Variants in SCLT1 observed in about 807,000 individuals in gnomAD.
SCLT1 encodes sodium channel and clathrin linker 1, also known as sodium channel-associated protein 1.
Under a neutral mutation model 112.8 loss-of-function variants are expected in SCLT1, and 78 were observed. That is an observed-to-expected ratio of 0.69 (90% CI 0.58 to 0.83). The LOEUF (loss-of-function observed/expected upper bound fraction) is 0.83. Among genes scored for constraint, SCLT1 ranks in the 40% least tolerant of loss-of-function variants. SCLT1 has a pLI of 0.00. For synonymous variants in SCLT1, 257 were observed against 254.7 expected (o/e 1.01, Z -0.09); for missense variants, 747 against 770.4 (o/e 0.97, Z 0.36).
chr4:128,967,384 G>C (rs1045777010), intron 10 of SCLT1, among the ~76,000 whole-genome samples: 6 of 152,228 alleles, frequency 3.9e-5, no homozygotes, highest in Admixed American at 3.3e-4. Context: ...TAATGGGATT[G>C]CTCAGTTGAA....
chr4:129,056,048 G>A (rs1040852410), intron 2 of SCLT1, among the ~76,000 whole-genome samples: 11 of 152,170 alleles, frequency 7.2e-5, no homozygotes, highest in African/African-American at 2.2e-4. Flanking sequence ...GGGAGACCCC[G>A]GCTGCTTGCA....
At chr4:129,019,747 A>C (rs553121415) in intron 5 of SCLT1, among the ~76,000 whole-genome samples, 1 of 152,166 alleles carries the variant, frequency 6.6e-6, no homozygotes, top group Non-Finnish European at 1.5e-5. Flanking sequence ...CACTAATCCA[A>C]GCCTCCTTGG....
At chr4:128,950,709 C>A (rs1351961621) in intron 14 of SCLT1, among the ~76,000 whole-genome samples, 22 of 151,952 alleles carry the variant, frequency 1.4e-4, no homozygotes, top group Non-Finnish European at 5.9e-5. Flanking sequence ...CAGTGTAAAT[C>A]CTCATGTATT....
intron 2 of SCLT1, among the ~76,000 whole-genome samples, chr4:129,052,060 C>T (rs1748851517): frequency 6.6e-6 from 1 of 152,200 alleles, no homozygotes; most frequent in South Asian, 2.1e-4. Flanking sequence ...ACCCGCCTTG[C>T]ATCCAAGGGA....
chr4:129,032,696 AAAG>A (rs1214488572), intron 5 of SCLT1, among the ~76,000 whole-genome samples: 1 of 152,164 alleles, frequency 6.6e-6, no homozygotes, highest in Non-Finnish European at 1.5e-5. Context: ...ACACTTCTCA[AAAG>A]AAGATATTTA....
chr4:128,910,054 C>T (rs561704723), intron 18 of SCLT1, among the ~76,000 whole-genome samples: 5 of 152,232 alleles, frequency 3.3e-5, no homozygotes, highest in Admixed American at 2.6e-4. Context: ...ATGTGAGGGC[C>T]CTGACCAACT....
chr4:128,884,719 G>A (rs530131798), intron 20 of SCLT1, among the ~76,000 whole-genome samples, 180 bp from the exon 21 acceptor site: 6 of 152,260 alleles, frequency 3.9e-5, no homozygotes, highest in Non-Finnish European at 5.9e-5. Context: ...GGAGTACAGT[G>A]GTACAATCAC....
intron 2 of SCLT1, among the ~76,000 whole-genome samples, chr4:129,059,803 T>C (rs975470125): frequency 2.6e-5 from 4 of 152,186 alleles, no homozygotes; most frequent in Non-Finnish European, 4.4e-5. Context: ...CTTTTGAAAA[T>C]TTGTCTGTAA....
At chr4:129,025,654 T>A (rs1745987319) in intron 5 of SCLT1, among the ~76,000 whole-genome samples, 2 of 151,992 alleles carry the variant, frequency 1.3e-5, no homozygotes, top group Non-Finnish European at 2.9e-5. Context: ...ACGAGCAAAA[T>A]AACCAGCTAA....
rs151164373 is a variant in SCLT1, at chr4:128,972,855, T to C, written c.687-2387A>G. Among the ~76,000 whole-genome samples, 123 of 152,254 alleles carry C rather than the reference T, an allele frequency of 8.1e-4. 2 individuals carry two copies. Among genetic ancestry groups the C allele is most frequent in the African/African-American group, 2.9e-3 (120 of 41,558 alleles). On this transcript the variant is annotated intron_variant, in intron 9 of 20. Transcript: ENST00000281142. Reference sequence around the variant, plus strand: ...AATTATCTAGTAATAAAAACTCCTATTTAACAATGATTCCTGGATTCCACA... The same window carrying C: ...AATTATCTAGTAATAAAAACTCCTACTTAACAATGATTCCTGGATTCCACA...
At chr4:128,882,458 C>T (rs1241914171), downstream of SCLT1, among the ~76,000 whole-genome samples, 1 of 152,144 alleles carries the variant, frequency 6.6e-6, no homozygotes, top group African/African-American at 2.4e-5. Context: ...TTTGTTATGA[C>T]CCTCTCATTT....
chr4:128,943,774 T>C (rs879514901), intron 16 of SCLT1, among the ~76,000 whole-genome samples: 8 of 152,160 alleles, frequency 5.3e-5, no homozygotes, highest in Non-Finnish European at 7.4e-5. Flanking sequence ...TATACATTAA[T>C]GTTGCTTCAA....
chr4:129,000,003 T>A (rs1439982358), intron 6 of SCLT1, among the ~76,000 whole-genome samples: 1 of 151,898 alleles, frequency 6.6e-6, no homozygotes, highest in Non-Finnish European at 1.5e-5. Flanking sequence ...AGTTCCTTAT[T>A]TTGAAATTGT....
chr4:129,029,944 C>T (rs1746545067), intron 5 of SCLT1, among the ~76,000 whole-genome samples: 1 of 152,098 alleles, frequency 6.6e-6, no homozygotes, highest in Admixed American at 6.6e-5. Context: ...TTGAACTCAG[C>T]TCTGGACCAA....
At chr4:129,051,803 C>T (rs1397074010) in intron 2 of SCLT1, among the ~76,000 whole-genome samples, 1 of 152,044 alleles carries the variant, frequency 6.6e-6, no homozygotes, top group African/African-American at 2.4e-5. Flanking sequence ...TGTCACGTGT[C>T]GGTTTTCAAA....
chr4:128,924,706 A>G (rs993417078), intron 18 of SCLT1, among the ~76,000 whole-genome samples: 7 of 152,098 alleles, frequency 4.6e-5, no homozygotes, highest in Non-Finnish European at 8.8e-5. Flanking sequence ...GCTTAGGTCT[A>G]TGATTCATTT....
At chr4:129,089,041 G>T (rs1175292865) in intron 1 of SCLT1, among the ~76,000 whole-genome samples, 1 of 152,152 alleles carries the variant, frequency 6.6e-6, no homozygotes. Flanking sequence ...CACAGCAAAA[G>T]AAACCATCAT....
intron 5 of SCLT1, among the ~76,000 whole-genome samples, chr4:129,024,912 C>T (rs1314084176): frequency 6.6e-6 from 1 of 152,102 alleles, no homozygotes; most frequent in Non-Finnish European, 1.5e-5. Context: ...GCAGAAGCCT[C>T]AGGAGCCGAT....
Position 128,884,489 on chromosome 4 carries a change from C to T in SCLT1, c.2055G>A (p.Leu685=), listed in dbSNP as rs755770541. The T allele has an allele frequency of 6.9e-6, 11 of 1,596,788 alleles. No homozygotes were observed. Among genetic ancestry groups the T allele is most frequent in the Non-Finnish European group, 9.4e-6 (11 of 1,165,624 alleles). ...ACTATGAATATTTTTAAATATTTTC[C>T]AGATTCATCAGGGAGGCTGCTTTTC... ...QRRKAASLMN[L]ENI is the part of the protein sequence containing the mutation. The change falls in exon 21 of 21, where the codon CTG becomes CTA. Residue 685 remains leucine (L), a synonymous_variant. Transcript: ENST00000281142.
Sources: allele counts gnomAD v4.1 joint callset (sites outside exome capture counted in the v4.1 genomes callset), GRCh38; gene constraint gnomAD v4.1.1; transcripts MANE v1.5; gene names NCBI Gene and HGNC (gene_info 2026-07-23, HGNC 2026-07-21).